Variants in CDK12 observed in about 807,000 individuals in gnomAD.
CDK12 encodes cyclin-dependent kinase 12.
A neutral mutation model predicts 133.8 loss-of-function variants in CDK12; 17 were observed. That is an observed-to-expected ratio of 0.13 (90% CI 0.09 to 0.19). CDK12 has a LOEUF of 0.19. Among genes scored for constraint, CDK12 ranks in the 10% least tolerant of loss-of-function variants. The pLI is 1.00. For synonymous variants in CDK12, 694 were observed against 683.6 expected, an observed-to-expected ratio of 1.02 and a Z score of -0.24; for missense variants, 1,508 against 1,818.7, an observed-to-expected ratio of 0.83 and a Z score of 3.11.
At chr17:39,474,450 T>C (rs1473179732) in intron 2 of CDK12, among the ~76,000 whole-genome samples, 1 of 152,100 alleles carries the variant, frequency 6.6e-6, no homozygotes, top group Non-Finnish European at 1.5e-5. Context: ...TCCTGACTAG[T>C]TGGGATTACA....
intron 2 of CDK12, among the ~76,000 whole-genome samples, chr17:39,479,270 T>A (rs957490957): frequency 1.0e-3 from 128 of 128,608 alleles, no homozygotes; most frequent in African/African-American, 3.6e-3. Flanking sequence ...ATCATGCCAC[T>A]GCACTCGAGC....
At chr17:39,508,586 G>A (rs2053280641) in intron 6 of CDK12, among the ~76,000 whole-genome samples, 1 of 151,986 alleles carries the variant, frequency 6.6e-6, no homozygotes, top group African/African-American at 2.4e-5. Flanking sequence ...TAATACTTAG[G>A]CGATGGGTCA....
chr17:39,461,967 C>A lies in CDK12; in HGVS notation c.-105C>A. 1.4e-6 allele frequency: 1 copy of A among 700,242 alleles called. No individual in the cohort carries two copies. The highest frequency in any genetic ancestry group is 2.0e-6 in the Non-Finnish European group (1 of 493,006). The allele number at this position is 700,242 out of a possible 1,614,324, so 43.4% of individuals were successfully genotyped here. A position where few individuals can be genotyped will look rare whatever the true frequency, so the allele number is the denominator to read the frequency against. On this transcript the variant is annotated 5_prime_UTR_variant, in exon 1 of 14. Transcript: ENST00000447079. ...GTCCCTGCCCTCCCCACCCCCTTCC[C>A]GGGGCGCTTTGGTGGGCGTGGAGTT... is the stretch of plus-strand genomic sequence containing the variant.
intron 2 of CDK12, among the ~76,000 whole-genome samples, chr17:39,554,403 G>A (rs912991840): frequency 1.3e-5 from 2 of 152,108 alleles, no homozygotes; most frequent in African/African-American, 2.4e-5. Context: ...CAGAAGTGTC[G>A]ATTTCCTCCT....
chr17:39,550,937 T>G (rs1453189358), intron 1 of CDK12: 1 of 134,052 alleles, frequency 7.5e-6, no homozygotes, highest in Non-Finnish European at 1.5e-5. Flanking sequence ...GAGGCTAAGG[T>G]AGGAGAATTA....
intron 3 of CDK12, among the ~76,000 whole-genome samples, chr17:39,561,046 G>A (rs2056356135): frequency 6.6e-6 from 1 of 152,108 alleles, no homozygotes; most frequent in African/African-American, 2.4e-5. Context: ...GCAGTGTCAT[G>A]GATCAGGGGA....
chr17:39,496,783 G>A (rs371582574), intron 5 of CDK12, among the ~76,000 whole-genome samples: 1 of 151,828 alleles, frequency 6.6e-6, no homozygotes, highest in Non-Finnish European at 1.5e-5. Context: ...TATTTTCATT[G>A]TATAGCATTT....
At chr17:39,515,593 T>G (rs2053752265) in intron 8 of CDK12, 138 bp from the exon 9 acceptor site, 1 of 601,554 alleles carries the variant, frequency 1.7e-6, no homozygotes, top group African/African-American at 1.9e-5. Flanking sequence ...TATTTTCTCT[T>G]TGGAAACTCA....
At chr17:39,466,169 G>A (rs991467177) in intron 1 of CDK12, among the ~76,000 whole-genome samples, 1 of 151,738 alleles carries the variant, frequency 6.6e-6, no homozygotes, top group African/African-American at 2.4e-5. Flanking sequence ...TTAGCCAGGC[G>A]TGGTGGCATG....
chr17:39,541,407 AC>A (rs1487962263), intron 1 of CDK12, among the ~76,000 whole-genome samples: 9 of 140,652 alleles, frequency 6.4e-5, no homozygotes, highest in African/African-American at 2.6e-4. Context: ...TCGCTCTGTC[AC>A]CCAGGCTGGA....
intron 13 of CDK12, among the ~76,000 whole-genome samples, chr17:39,527,017 G>A (rs1484936025): frequency 6.6e-6 from 1 of 152,102 alleles, no homozygotes; most frequent in Non-Finnish European, 1.5e-5. Context: ...TTTATTAGAG[G>A]GAAAAGCAGT....
chr17:39,479,876 C>G (rs1238501573), intron 2 of CDK12, among the ~76,000 whole-genome samples: 1 of 151,154 alleles, frequency 6.6e-6, no homozygotes, highest in Non-Finnish European at 1.5e-5. Context: ...CTCCACCCAC[C>G]TTGGCCTCCC....
chr17:39,491,813 T>C (rs886564800), intron 3 of CDK12, among the ~76,000 whole-genome samples: 1 of 150,938 alleles, frequency 6.6e-6, no homozygotes, highest in Non-Finnish European at 1.5e-5. Context: ...CATTTCTGAC[T>C]TTTTAGTAAA....
upstream of CDK12, among the ~76,000 whole-genome samples, chr17:39,548,657 A>G (rs747494731): frequency 5.3e-5 from 8 of 152,200 alleles, no homozygotes; most frequent in African/African-American, 9.7e-5. Flanking sequence ...AATACACCCC[A>G]GGACATTCCA....
intron 11 of CDK12, among the ~76,000 whole-genome samples, chr17:39,521,888 A>G (rs1465901929): frequency 6.6e-6 from 1 of 150,486 alleles, no homozygotes; most frequent in Admixed American, 6.6e-5. Flanking sequence ...CAATTGTAGA[A>G]ATGGAGTCTC....
chr17:39,476,197 T>G (rs1207456720), intron 2 of CDK12, among the ~76,000 whole-genome samples: 1 of 151,712 alleles, frequency 6.6e-6, no homozygotes, highest in Non-Finnish European at 1.5e-5. Flanking sequence ...TCACTGCAAC[T>G]TCCCAGGGTT....
Position 39,533,642 on chromosome 17 carries a change from A to C in CDK12, c.*2326A>C. ...GCCAAATATCCTAAATAATATACTT[A>C]AGCCTCCATTCCCTCATCCCTACTA... On this transcript the variant is annotated 3_prime_UTR_variant, in exon 14 of 14. Coordinates refer to ENST00000447079, the MANE Select transcript of CDK12 (RefSeq NM_016507.4). 4.3e-6 allele frequency: 1 copy of C among 232,976 alleles called. No homozygotes were observed. The highest frequency in any genetic ancestry group is 8.5e-6 in the Non-Finnish European group (1 of 117,864). 14.4% of individuals were successfully genotyped at this position (232,976 alleles called of 1,614,324 possible).
chr17:39,531,122 A>G lies in CDK12; in HGVS notation c.4279A>G (p.Ser1427Gly). The G allele has an allele frequency of 1.3e-6, 2 of 1,569,926 alleles. No homozygotes were observed. The highest frequency in any genetic ancestry group is 1.7e-6 in the Non-Finnish European group (2 of 1,159,838). Residue 1427 changes from serine (S) to glycine (G), a missense_variant, in exon 14 of 14, where the codon AGC (serine) becomes GGC (glycine). Around this residue, in one of 9 missense-constraint regions of CDK12, gnomAD observed 114 missense variants for 101.2 expected, o/e 1.13. Transcript: ENST00000447079. ...GQPFLKAEGS[S>G]NSVVHAETKL... ...ACCATTCCTGAAGGCTGAGGGAAGC[A>G]GCAATTCTGTGGTACATGCAGAGAC...
chr17:39,492,700 C>G, intron 3 of CDK12, 51 bp from the exon 4 acceptor site: 1 of 1,506,278 alleles, frequency 6.6e-7, no homozygotes. Flanking sequence ...TGAGCCACCG[C>G]GCCCGGCCTT....
Sources: allele counts gnomAD v4.1 joint callset (sites outside exome capture counted in the v4.1 genomes callset), GRCh38; gene constraint gnomAD v4.1.1; regional missense constraint gnomAD v4.1.1; transcripts MANE v1.5; gene names NCBI Gene and HGNC (gene_info 2026-07-23, HGNC 2026-07-21).